The following CSMD1 variants were observed in gnomAD, a reference collection of about 807,000 sequenced individuals.
CSMD1 encodes the protein CUB and sushi domain-containing protein 1.
Under a neutral mutation model 417.5 loss-of-function variants are expected in CSMD1, and 213 were observed. That is an observed-to-expected ratio of 0.51 (90% CI 0.46 to 0.57). The LOEUF (loss-of-function observed/expected upper bound fraction) is 0.57, where lower values mean the gene tolerates loss of function less well. Ranked by LOEUF, CSMD1 falls within the 20% of genes least tolerant of loss-of-function variation. The pLI, the probability that CSMD1 is intolerant of heterozygous loss-of-function variation, is 0.00. For missense variants in CSMD1, 6,923 were observed against 4,529.7 expected (o/e 1.53, Z -15.17); for synonymous variants, 2,862 against 1,736.8 (o/e 1.65, Z -16.11).
At chr8:4,803,222 A>G (rs1048539791) in intron 1 of CSMD1, among the ~76,000 whole-genome samples, 1 of 152,178 alleles carries the variant, frequency 6.6e-6, no homozygotes, top group South Asian at 2.1e-4. Context: ...ATAAATTCCA[A>G]ACTTTTGAAT....
chr8:4,651,448 T>A (rs1803890781), intron 1 of CSMD1, among the ~76,000 whole-genome samples: 1 of 152,200 alleles, frequency 6.6e-6, no homozygotes, highest in Admixed American at 6.5e-5. Context: ...CACTGTAGCT[T>A]GATTATAGTC....
chr8:4,278,321 T>C (rs948871936), intron 3 of CSMD1, among the ~76,000 whole-genome samples: 1 of 152,294 alleles, frequency 6.6e-6, no homozygotes, highest in Non-Finnish European at 1.5e-5. Context: ...GTGCTGGTAA[T>C]CTACAAAATG....
rs531133387 is a variant in CSMD1, at chr8:3,881,042, C to G, written c.818+116861G>C. On this transcript the variant is annotated intron_variant, in intron 5 of 69. Transcript: ENST00000635120. ...ATTTACAATATCAATAAAGCCTCAA[C>G]TATCTATGAGTGAATTCAAAAAATT... Among the ~76,000 whole-genome samples the G allele has an allele frequency of 3.9e-5, 6 of 152,134 alleles. No homozygotes were observed. In the South Asian group the frequency reaches 8.3e-4, roughly 21 times the overall value.
Position 2,935,603 on chromosome 8 carries a change from G to T in CSMD1, c.*2982C>A, listed in dbSNP as rs891887170. On this transcript the variant is annotated 3_prime_UTR_variant, in exon 70 of 70. Transcript: ENST00000635120. ...GTAAAAACATTTATTTTTTAACAATGTACCTACATTAATCAAAAAATTACA... is the reference window on the plus strand; with the variant it reads ...GTAAAAACATTTATTTTTTAACAATTTACCTACATTAATCAAAAAATTACA... 3 of 152,058 alleles carry T rather than the reference G, an allele frequency of 2.0e-5. No homozygotes were observed. Among genetic ancestry groups the T allele is most frequent in the African/African-American group, 2.4e-5 (1 of 41,382 alleles). 9.4% of individuals were successfully genotyped at this position (152,058 alleles called of 1,614,324 possible).
chr8:3,156,623 G>C (rs569640575), intron 39 of CSMD1, among the ~76,000 whole-genome samples: 1 of 151,998 alleles, frequency 6.6e-6, no homozygotes, highest in African/African-American at 2.4e-5. Flanking sequence ...ATTCAAGAGG[G>C]TGCCTAAACC....
At chr8:4,014,666 T>C (rs917909816) in intron 4 of CSMD1, among the ~76,000 whole-genome samples, 7 of 152,330 alleles carry the variant, frequency 4.6e-5, no homozygotes, top group African/African-American at 1.7e-4. Context: ...AAAGAGCTCG[T>C]CTGAGCTGTG....
intron 40 of CSMD1, 28 bp downstream of exon 40, chr8:3,151,369 T>G: frequency 2.8e-6 from 4 of 1,446,526 alleles, no homozygotes; most frequent in Non-Finnish European, 3.9e-6. Flanking sequence ...AAAATGAACT[T>G]TTAGGAATTG....
chr8:4,669,964 G>A (rs1805187386), intron 1 of CSMD1, among the ~76,000 whole-genome samples: 1 of 152,092 alleles, frequency 6.6e-6, no homozygotes, highest in African/African-American at 2.4e-5. Context: ...TATGAGGATT[G>A]GAGCTGCTGA....
intron 5 of CSMD1, among the ~76,000 whole-genome samples, chr8:3,900,049 G>A (rs113870148): frequency 3.9e-5 from 6 of 151,928 alleles, no homozygotes; most frequent in African/African-American, 1.4e-4. Flanking sequence ...GCTGGCCGAT[G>A]CTGTAGCTGG....
chr8:3,037,588 C>T (rs1810777560), intron 50 of CSMD1, among the ~76,000 whole-genome samples: 1 of 152,124 alleles, frequency 6.6e-6, no homozygotes, highest in South Asian at 2.1e-4. Context: ...CACAGAGTGA[C>T]TTCTCTTCTT....
At chr8:4,785,731 T>G (rs1355516521) in intron 1 of CSMD1, among the ~76,000 whole-genome samples, 1 of 152,146 alleles carries the variant, frequency 6.6e-6, no homozygotes, top group African/African-American at 2.4e-5. Context: ...AGAGCACATC[T>G]TACTCTCAGT....
At chr8:3,536,732 G>A (rs747183055) in intron 10 of CSMD1, among the ~76,000 whole-genome samples, 2 of 152,132 alleles carry the variant, frequency 1.3e-5, no homozygotes, top group African/African-American at 2.4e-5. Flanking sequence ...CTTGCAGGTG[G>A]CAGGAGCCCC....
chr8:3,941,784 T>C (rs1289874707), intron 5 of CSMD1, among the ~76,000 whole-genome samples: 1 of 152,128 alleles, frequency 6.6e-6, no homozygotes, highest in Non-Finnish European at 1.5e-5. Context: ...TTGATTCCAA[T>C]TTTTCCTCTG....
At chr8:3,320,861 G>A (rs1369579437) in intron 23 of CSMD1, among the ~76,000 whole-genome samples, 1 of 152,190 alleles carries the variant, frequency 6.6e-6, no homozygotes, top group Non-Finnish European at 1.5e-5. Flanking sequence ...TACAACGCCT[G>A]CTTGCCGCAC....
At chr8:4,528,474 T>C (rs999445870) in intron 2 of CSMD1, among the ~76,000 whole-genome samples, 1 of 152,220 alleles carries the variant, frequency 6.6e-6, no homozygotes, top group Non-Finnish European at 1.5e-5. Flanking sequence ...ATGAGAATCA[T>C]GTAAGACTTA....
At chr8:3,185,710 AC>A (rs1821708291) in intron 36 of CSMD1, among the ~76,000 whole-genome samples, 4 of 152,374 alleles carry the variant, frequency 2.6e-5, no homozygotes, top group African/African-American at 4.8e-5. Flanking sequence ...TGATCCTCAG[AC>A]AAAACGTGGC....
chr8:3,411,957 C>CGTATATATGTATACGT (rs1812787068), intron 12 of CSMD1, among the ~76,000 whole-genome samples: 4 of 62,076 alleles, frequency 6.4e-5, no homozygotes, highest in Non-Finnish European at 6.5e-5. Context: ...TATATATACA[C>CGTATATATGTATACGT]GTATATATGC....
At chr8:4,108,001 G>C (rs900721322) in intron 3 of CSMD1, among the ~76,000 whole-genome samples, 23 of 151,782 alleles carry the variant, frequency 1.5e-4, no homozygotes, top group African/African-American at 5.6e-4. Context: ...TAGAAAGTAA[G>C]GGAAAGACAG....
At chr8:3,259,431 T>TGAAC (rs1184021596) in intron 26 of CSMD1, among the ~76,000 whole-genome samples, 2 of 152,036 alleles carry the variant, frequency 1.3e-5, no homozygotes. Context: ...AATGAGTGAA[T>TGAAC]GAATGAATGA....
Sources: gnomAD v4.1 joint callset for allele counts (sites outside exome capture counted in the v4.1 genomes callset) on GRCh38, gnomAD v4.1.1 for gene constraint, MANE v1.5 for transcripts, NCBI Gene and HGNC (gene_info 2026-07-23, HGNC 2026-07-21) for gene names.